CHD7: variants seen among roughly 807,000 people sequenced by gnomAD.
CHD7 encodes the protein ATP-dependent chromatin remodeler CHD7.
CHD7 carries 24 observed loss-of-function variants against 307.3 expected under a neutral mutation model. The ratio of observed to expected loss-of-function variants is 0.08; its 90% CI spans 0.06 to 0.11. The LOEUF (loss-of-function observed/expected upper bound fraction) is 0.11. Ranked by LOEUF, CHD7 falls within the 10% of genes least tolerant of loss-of-function variation. The pLI is 1.00. For synonymous variants in CHD7, 1,363 were observed against 1,349.9 expected, an observed-to-expected ratio of 1.01 and a Z score of -0.21; for missense variants, 3,106 against 3,727.1, an observed-to-expected ratio of 0.83 and a Z score of 4.34.
chr8:60,842,905 T>C (rs1352481727), intron 21 of CHD7, among the ~76,000 whole-genome samples: 1 of 152,196 alleles, frequency 6.6e-6, no homozygotes, highest in East Asian at 1.9e-4. Flanking sequence ...TCTCCTTCAG[T>C]GCGCCACGCT....
chr8:60,840,104 T>C (rs1804904548), intron 19 of CHD7, among the ~76,000 whole-genome samples: 1 of 152,228 alleles, frequency 6.6e-6, no homozygotes, highest in Non-Finnish European at 1.5e-5. Flanking sequence ...CCAAGATTTA[T>C]AGTTTTTAAC....
At chr8:60,768,965 A>G (rs1310983637) in intron 2 of CHD7, among the ~76,000 whole-genome samples, 2 of 152,270 alleles carry the variant, frequency 1.3e-5, no homozygotes, top group Non-Finnish European at 2.9e-5. Flanking sequence ...ATATCAGAAC[A>G]TTAAGTATTT....
At chr8:60,693,104 G>T (rs1471621690) in intron 1 of CHD7, among the ~76,000 whole-genome samples, 2 of 152,198 alleles carry the variant, frequency 1.3e-5, no homozygotes, top group Non-Finnish European at 2.9e-5. Context: ...TGGCAACCCA[G>T]CTGATGGGCT....
rs568551629 is a variant in CHD7, at chr8:60,822,671, C to T, written c.3126C>T (p.Asn1042=). The T allele has an allele frequency of 1.7e-5, 28 of 1,613,714 alleles. No individual in the cohort carries two copies. In the East Asian group the frequency reaches 2.2e-4, roughly 13 times the overall value. ...AATTCCGAACCTGGACAGAGTTGAA[C>T]GTGGTTGTGTATCATGGGAGTCAAG... ...EREFRTWTEL[N]VVVYHGSQAS... Residue 1042 remains asparagine (N), a synonymous_variant, in exon 12 of 38, where the codon AAC becomes AAT. Transcript: ENST00000423902.
At chr8:60,835,851 C>T (rs1439447746) in intron 15 of CHD7, among the ~76,000 whole-genome samples, 1 of 152,072 alleles carries the variant, frequency 6.6e-6, no homozygotes, top group Non-Finnish European at 1.5e-5. Flanking sequence ...TGTGGTTTTC[C>T]CCCTGAATGC....
chr8:60,778,254 G>A (rs1395247312), intron 2 of CHD7, among the ~76,000 whole-genome samples: 2 of 152,122 alleles, frequency 1.3e-5, no homozygotes, highest in Non-Finnish European at 2.9e-5. Flanking sequence ...GGAGATGTGG[G>A]TCTGGTAAAC....
At chr8:60,769,882 AAAAT>A (rs1218014174) in intron 2 of CHD7, among the ~76,000 whole-genome samples, 1 of 152,244 alleles carries the variant, frequency 6.6e-6, no homozygotes, top group Non-Finnish European at 1.5e-5. Flanking sequence ...CTTGTAGACA[AAAAT>A]AAAGCCCTGC....
chr8:60,713,483 A>G (rs552382261), intron 1 of CHD7, among the ~76,000 whole-genome samples: 138 of 152,238 alleles, frequency 9.1e-4, no homozygotes, highest in African/African-American at 3.3e-3. Flanking sequence ...TCTTAGCTAG[A>G]ATATAGAGGG....
intron 1 of CHD7, among the ~76,000 whole-genome samples, chr8:60,710,449 C>T (rs1807231293): frequency 1.3e-5 from 2 of 152,168 alleles, no homozygotes; most frequent in Non-Finnish European, 2.9e-5. Flanking sequence ...TTTCCTTCTT[C>T]ACTGTACCAT....
rs1386245550 is a variant in CHD7 at position 60,852,535 on chromosome 8, G to A, written c.5932G>A (p.Val1978Ile). 2 of 1,613,712 alleles carry A rather than the reference G, an allele frequency of 1.2e-6. No homozygotes were observed. Among genetic ancestry groups the A allele is most frequent in the Non-Finnish European group, 1.7e-6 (2 of 1,179,830 alleles). ...AGAAGAGGCTGATTTTTACCGTGTGGTATCCACCTTTGGGGTTATTTTTGA... is the reference window on the plus strand; with the variant it reads ...AGAAGAGGCTGATTTTTACCGTGTGATATCCACCTTTGGGGTTATTTTTGA... ...RREEADFYRV[V>I]STFGVIFDPV... The change falls in exon 30 of 38, where the codon GTA becomes ATA. Residue 1978 changes from valine (V) to isoleucine (I), a missense_variant. Physicochemically the swap from Val to Ile is conservative, Grantham distance 29. This residue lies in a region of CHD7 where 1,030 missense variants were observed against 1,165.4 expected (regional missense o/e 0.88). Coordinates refer to ENST00000423902, the MANE Select transcript of CHD7 (RefSeq NM_017780.4).
At chr8:60,838,730 C>G (rs1467264632) in intron 19 of CHD7, among the ~76,000 whole-genome samples, 1 of 152,234 alleles carries the variant, frequency 6.6e-6, no homozygotes. Context: ...GTCTCCCTTT[C>G]TACTTATTTT....
intron 3 of CHD7, among the ~76,000 whole-genome samples, chr8:60,783,314 T>C (rs768893601): frequency 6.6e-6 from 1 of 152,216 alleles, no homozygotes; most frequent in Non-Finnish European, 1.5e-5. Context: ...TGTTAAAATT[T>C]TCCCAACAAC....
At chr8:60,809,030 A>G (rs1812668637) in intron 7 of CHD7, 1 of 152,188 alleles carries the variant, frequency 6.6e-6, no homozygotes, top group African/African-American at 2.4e-5. Flanking sequence ...CACCATATTA[A>G]TACATTCTTA....
At chr8:60,833,459 A>C in intron 15 of CHD7, among the ~76,000 whole-genome samples, 1 of 152,214 alleles carries the variant, frequency 6.6e-6, no homozygotes, top group East Asian at 1.9e-4. Flanking sequence ...GGCAAAAAGA[A>C]AACACGAATG....
intron 2 of CHD7, among the ~76,000 whole-genome samples, chr8:60,771,858 C>G (rs558632593): frequency 6.6e-6 from 1 of 152,292 alleles, no homozygotes; most frequent in Admixed American, 6.5e-5. Context: ...ACGTAGAGTT[C>G]CCACCCTCAA....
At position 60,851,315 on chromosome 8, in the gene CHD7, C is replaced by A. The variant is rs1256379655; in HGVS notation, c.5661C>A (p.Ala1887=). 3 of 1,558,568 alleles carry A rather than the reference C, an allele frequency of 1.9e-6. No homozygotes were observed. The stretch of plus-strand genomic sequence containing the variant: ...AGGAAGAATCCATGGAAATACATGC[C>A]ACAGGTAAGGTCCCAGAAAAGCTTG... The part of the protein sequence containing the change: ...EDKEESMEIH[A]TGKHSESNAE... The change falls in exon 28 of 38, where the codon GCC becomes GCA. Residue 1887 remains alanine, a synonymous_variant. Transcript: ENST00000423902.
chr8:60,794,404 T>C (rs901302213), intron 3 of CHD7, among the ~76,000 whole-genome samples: 4 of 152,176 alleles, frequency 2.6e-5, no homozygotes, highest in Admixed American at 2.6e-4. Flanking sequence ...AAAAAACACG[T>C]AGCACCAAAA....
intron 1 of CHD7, among the ~76,000 whole-genome samples, chr8:60,684,323 A>T (rs1271928912): frequency 6.6e-6 from 1 of 152,148 alleles, no homozygotes; most frequent in African/African-American, 2.4e-5. Context: ...CTGGACTGTG[A>T]TTAGTCTTCC....
chr8:60,854,537 T>G lies in CHD7; in HGVS notation c.6936+14T>G. 6.3e-7 allele frequency: 1 copy of G among 1,575,188 alleles called. No homozygotes were observed. The highest frequency in any genetic ancestry group is 8.7e-7 in the Non-Finnish European group (1 of 1,155,414). On this transcript the variant is annotated intron_variant, in intron 32 of 37. Transcript: ENST00000423902. The stretch of plus-strand genomic sequence containing the variant: ...TTTTGGCCTAAGGTTGGCAGGTTTT[T>G]GTTGCTGTTGTTTTGCTGACCAAAA...
Sources: gnomAD v4.1 joint callset for allele counts (sites outside exome capture counted in the v4.1 genomes callset) on GRCh38, gnomAD v4.1.1 for gene constraint, gnomAD v4.1.1 regional missense constraint, MANE v1.5 for transcripts, NCBI Gene and HGNC (gene_info 2026-07-23, HGNC 2026-07-21) for gene names.